TEX9: variants seen among roughly 807,000 people sequenced by gnomAD.
The protein encoded by TEX9 is testis expressed 9.
Under a neutral mutation model 59.6 loss-of-function variants are expected in TEX9, and 74 were observed. The observed-to-expected ratio is 1.24, with a 90% CI of 1.03 to 1.51. The LOEUF is 1.51. Ranked by LOEUF, TEX9 falls within the 40% of genes most tolerant of loss-of-function variation. The pLI is 0.00. For synonymous variants in TEX9, 186 were observed against 152.2 expected (o/e 1.22, Z -1.64); for missense variants, 522 against 447.8 (o/e 1.17, Z -1.49).
At chr15:56,420,075 C>G (rs1227316370) in intron 10 of TEX9, among the ~76,000 whole-genome samples, 7 of 151,754 alleles carry the variant, frequency 4.6e-5, no homozygotes, top group African/African-American at 1.7e-4. Context: ...ACACTAGTTC[C>G]TTATTGTCCT....
At chr15:56,315,106 T>C (rs2045721927) in intron 1 of TEX9, among the ~76,000 whole-genome samples, 1 of 150,986 alleles carries the variant, frequency 6.6e-6, no homozygotes, top group African/African-American at 2.4e-5. Flanking sequence ...CTTTATCCAA[T>C]TTGCCAGTCT....
At chr15:56,265,311 A>G (rs2044355169) in intron 1 of TEX9, among the ~76,000 whole-genome samples, 2 of 151,694 alleles carry the variant, frequency 1.3e-5, no homozygotes, top group Non-Finnish European at 2.9e-5. Context: ...AAACTACAGG[A>G]ATGTGCTACC....
chr15:56,290,906 G>C (rs2045075191), intron 1 of TEX9, among the ~76,000 whole-genome samples: 3 of 151,954 alleles, frequency 2.0e-5, no homozygotes, highest in African/African-American at 7.3e-5. Flanking sequence ...GAGAATGAAG[G>C]CCTTTATCTT....
At chr15:56,250,083 C>T (rs2043979131) in intron 1 of TEX9, among the ~76,000 whole-genome samples, 1 of 152,146 alleles carries the variant, frequency 6.6e-6, no homozygotes, top group South Asian at 2.1e-4. Context: ...GGATTTCCTT[C>T]TACTCCAGCA....
the TEX9 span, chr15:56,456,259 C>T: frequency 1.4e-5 from 10 of 731,924 alleles, no homozygotes; most frequent in Admixed American, 3.8e-5. Flanking sequence ...GAACTTAAAG[C>T]AATAAGTATT....
At chr15:56,448,590 A>G (rs2050924780), downstream of TEX9, among the ~76,000 whole-genome samples, 1 of 152,118 alleles carries the variant, frequency 6.6e-6, no homozygotes, top group African/African-American at 2.4e-5. Flanking sequence ...TCTGTAGAGT[A>G]TTCCGTGGTA....
chr15:56,446,836 A>G, downstream of TEX9: 1 of 1,588,888 alleles, frequency 6.3e-7, no homozygotes, highest in Non-Finnish European at 8.6e-7. Context: ...CAGAAACATG[A>G]TTACCATTTG....
intron 1 of TEX9, among the ~76,000 whole-genome samples, chr15:56,258,761 A>G (rs1267939453): frequency 2.0e-5 from 3 of 151,782 alleles, no homozygotes; most frequent in African/African-American, 7.3e-5. Context: ...GCTTATATTC[A>G]TATTGATAGT....
chr15:56,348,225 G>A (rs758841488), intron 1 of TEX9, among the ~76,000 whole-genome samples: 2 of 152,028 alleles, frequency 1.3e-5, no homozygotes, highest in Non-Finnish European at 2.9e-5. Flanking sequence ...TATATAAAAG[G>A]AGGGGATTAA....
intron 1 of TEX9, among the ~76,000 whole-genome samples, chr15:56,291,505 G>A (rs1021647365): frequency 1.3e-5 from 2 of 152,096 alleles, no homozygotes; most frequent in Non-Finnish European, 1.5e-5. Flanking sequence ...ATTATGGAAT[G>A]GTTGAATCAA....
intron 10 of TEX9, among the ~76,000 whole-genome samples, chr15:56,414,053 G>A (rs922823280): frequency 1.3e-5 from 2 of 151,728 alleles, no homozygotes; most frequent in Non-Finnish European, 2.9e-5. Flanking sequence ...TGTTATTCGA[G>A]TATTATTTCC....
the TEX9 span, chr15:56,456,528 GAAAAATTT>G: frequency 6.2e-7 from 1 of 1,604,280 alleles, no homozygotes; most frequent in African/African-American, 1.3e-5. Context: ...CTGCCTGAAC[GAAAAATTT>G]AACTTCGTTG....
intron 1 of TEX9, among the ~76,000 whole-genome samples, chr15:56,299,425 G>C (rs377444219): frequency 3.3e-5 from 5 of 152,114 alleles, no homozygotes; most frequent in Admixed American, 2.0e-4. Flanking sequence ...AAACACTCAG[G>C]GTCCCTAAAT....
At chr15:56,300,704 A>G (rs8031012) in intron 1 of TEX9, among the ~76,000 whole-genome samples, 4 of 105,810 alleles carry the variant, frequency 3.8e-5, no homozygotes, top group African/African-American at 1.4e-4. Context: ...AGAGAGAGAG[A>G]GAGGGAGAGA....
intron 11 of TEX9, 100 bp downstream of exon 11, chr15:56,427,839 C>T: frequency 1.2e-6 from 1 of 862,956 alleles, no homozygotes. Context: ...CATCTTTACG[C>T]ACTGAACTTC....
In TEX9 at chr15:56,365,497, C is replaced by A; in HGVS notation, c.27+20C>A. ...CTCACGGTCAGTTCAACTCCAGGCT[C>A]CTGGGGAGCGTCTGGGTTCCGGCGA... On this transcript the variant is annotated intron_variant, in intron 1 of 12. Transcript: ENST00000352903. 1.9e-6 allele frequency: 3 copies of A among 1,614,160 alleles called. No individual in the cohort carries two copies. In the South Asian group the frequency reaches 3.3e-5, roughly 18 times the overall value.
chr15:56,307,610 C>T lies in TEX9; in HGVS notation c.-107+63332C>T, dbSNP rs149074550. 1.9e-3 allele frequency among the ~76,000 whole-genome samples: 285 copies of T among 152,186 alleles called. 2 individuals carry two copies. The highest frequency in any genetic ancestry group is 6.5e-3 in the African/African-American group (268 of 41,510). On this transcript the variant is annotated intron_variant, in intron 1 of 5. Coordinates refer to the TEX9 transcript ENST00000560827. ...ATAAATTACGTATCATAAAATTCAC[C>T]CTTTTAAATCATTCAATGCAGTGGT... is the stretch of plus-strand genomic sequence containing the variant.
At chr15:56,342,665 T>C (rs1278828496) in intron 1 of TEX9, among the ~76,000 whole-genome samples, 1 of 152,156 alleles carries the variant, frequency 6.6e-6, no homozygotes, top group African/African-American at 2.4e-5. Flanking sequence ...TTAAAAAGCC[T>C]TCATAGAAGA....
At chr15:56,361,927 G>C (rs12905782), upstream of TEX9, among the ~76,000 whole-genome samples, 53,956 of 147,236 alleles carry the variant, frequency 0.37, 11,318 homozygotes, top group Non-Finnish European at 0.47. Context: ...GATACTTCTA[G>C]CCTGGTTTTG....
Sources: gnomAD v4.1 joint callset for allele counts (sites outside exome capture counted in the v4.1 genomes callset) on GRCh38, gnomAD v4.1.1 for gene constraint, MANE v1.5 for transcripts, NCBI Gene and HGNC (gene_info 2026-07-23, HGNC 2026-07-21) for gene names.